Variants in MAP2 observed in about 807,000 individuals in gnomAD.
MAP2 encodes microtubule associated protein 2, also known as microtubule-associated protein 2.
MAP2 carries 14 observed loss-of-function variants against 137.6 expected under a neutral mutation model. The ratio of observed to expected loss-of-function variants is 0.10; its 90% CI spans 0.07 to 0.16. MAP2 has a LOEUF of 0.16. MAP2 is among the 10% of genes least tolerant of loss of function. The pLI, the probability that MAP2 is intolerant of heterozygous loss-of-function variation, is 1.00. For synonymous variants in MAP2, 786 were observed against 782.3 expected, an observed-to-expected ratio of 1.00 and a Z score of -0.08; for missense variants, 2,088 against 2,191.5, an observed-to-expected ratio of 0.95 and a Z score of 0.94.
At chr2:209,432,168 C>A (rs1191349566) in intron 1 of MAP2, among the ~76,000 whole-genome samples, 1 of 152,102 alleles carries the variant, frequency 6.6e-6, no homozygotes, top group Non-Finnish European at 1.5e-5. Context: ...ATTAAATTTC[C>A]TTCAAATTGC....
intron 4 of MAP2, among the ~76,000 whole-genome samples, chr2:209,627,052 T>C (rs188065392): frequency 6.6e-6 from 1 of 152,132 alleles, no homozygotes; most frequent in Non-Finnish European, 1.5e-5. Flanking sequence ...ATGGGACTCA[T>C]GATTTTCATT....
At chr2:209,426,475 A>G (rs912333044) in intron 1 of MAP2, among the ~76,000 whole-genome samples, 1 of 152,126 alleles carries the variant, frequency 6.6e-6, no homozygotes, top group African/African-American at 2.4e-5. Flanking sequence ...AGGATTGTTC[A>G]TTCTCTGCAG....
chr2:209,486,739 AG>A (rs2058439046), intron 1 of MAP2, among the ~76,000 whole-genome samples: 1 of 152,232 alleles, frequency 6.6e-6, no homozygotes, highest in East Asian at 1.9e-4. Flanking sequence ...GGTGAATTAT[AG>A]GGGAAAATGT....
At chr2:209,466,840 A>G (rs1453812244) in intron 1 of MAP2, among the ~76,000 whole-genome samples, 1 of 152,216 alleles carries the variant, frequency 6.6e-6, no homozygotes, top group African/African-American at 2.4e-5. Context: ...CTTTCAAAAT[A>G]AAAGAGCTAC....
At chr2:209,719,846 C>T (rs1214739497) in intron 13 of MAP2, among the ~76,000 whole-genome samples, 1 of 152,110 alleles carries the variant, frequency 6.6e-6, no homozygotes, top group Non-Finnish European at 1.5e-5. Context: ...CTATATGACC[C>T]TTATGTGAAT....
intron 2 of MAP2, among the ~76,000 whole-genome samples, chr2:209,515,479 T>C (rs1254546335): frequency 6.6e-6 from 1 of 152,082 alleles, no homozygotes; most frequent in African/African-American, 2.4e-5. Flanking sequence ...GGCACTTTCT[T>C]CACCTTCTTC....
chr2:209,649,120 A>G (rs748418941), intron 4 of MAP2, among the ~76,000 whole-genome samples: 3 of 152,082 alleles, frequency 2.0e-5, no homozygotes, highest in Non-Finnish European at 4.4e-5. Flanking sequence ...TGTAGCCTCA[A>G]TGTCCTCAGT....
chr2:209,544,623 G>A (rs969408897), intron 2 of MAP2, among the ~76,000 whole-genome samples: 1 of 152,126 alleles, frequency 6.6e-6, no homozygotes, highest in Non-Finnish European at 1.5e-5. Flanking sequence ...GTAAAATAGG[G>A]CACTCAGTAA....
Position 209,653,234 on chromosome 2 carries a change from G to T in MAP2, c.64G>T (p.Ala22Ser). The change falls in exon 5 of 16, where the codon GCA (alanine) becomes TCA (serine). Residue 22 changes from alanine to serine, a missense_variant. Ala to Ser is a moderately conservative substitution (Grantham distance 99). Transcript: ENST00000682079. ...CTGGACCTCAGCACCGCTAACAGAG[G>T]CATCTGCACACTCACATCCACCTGA... ...PHWTSAPLTE[A>S]SAHSHPPEIK... The T allele has an allele frequency of 6.2e-7, 1 of 1,614,024 alleles. No individual in the cohort carries two copies. The highest frequency in any genetic ancestry group is 8.5e-7 in the Non-Finnish European group (1 of 1,179,964).
rs1372367505 is a variant in MAP2, at chr2:209,715,405, A to AATGTT, written c.5073+5151_5073+5152insATGTT. ...CAAATATTTATTGAGCACCTACTAC[A>AATGTT]CCATGCTATGTTCTACATACTGAAA... On this transcript the variant is annotated intron_variant, in intron 13 of 15. Transcript: ENST00000682079. Among the ~76,000 whole-genome samples, 18 of 152,244 alleles carry AATGTT rather than the reference A, an allele frequency of 1.2e-4. No individual in the cohort carries two copies. In the East Asian group the frequency reaches 1.7e-3, roughly 15 times the overall value.
In MAP2 at chr2:209,693,994, C is replaced by T. The variant is rs768819172; in HGVS notation, c.1824C>T (p.Thr608=). Residue 608 remains threonine (T), a synonymous_variant, in exon 8 of 16, where the codon ACC becomes ACT. Coordinates refer to ENST00000682079, the MANE Select transcript of MAP2 (RefSeq NM_001375505.1). The part of the protein sequence containing the change: ...TRESVHESID[T]MSPMHKNGDK... The stretch of plus-strand genomic sequence containing the variant: ...AAAGTGTCCATGAGTCTATTGATAC[C>T]ATGTCTCCCATGCATAAAAATGGTG... The T allele has an allele frequency of 4.3e-6, 7 of 1,613,928 alleles. No homozygotes were observed. In the South Asian group the frequency reaches 6.6e-5, roughly 15 times the overall value.
At chr2:209,499,520 A>C (rs1456004080) in intron 1 of MAP2, among the ~76,000 whole-genome samples, 2 of 152,144 alleles carry the variant, frequency 1.3e-5, no homozygotes, top group Non-Finnish European at 2.9e-5. Context: ...ATGTATCTTT[A>C]TAGCAACACC....
At chr2:209,648,560 G>A (rs1190390209) in intron 4 of MAP2, among the ~76,000 whole-genome samples, 1 of 147,632 alleles carries the variant, frequency 6.8e-6, no homozygotes, top group Non-Finnish European at 1.5e-5. Context: ...ATCAAGCTAG[G>A]CTTTTCAGGG....
chr2:209,685,328 A>G (rs2056606110), intron 7 of MAP2, among the ~76,000 whole-genome samples: 1 of 152,172 alleles, frequency 6.6e-6, no homozygotes, highest in South Asian at 2.1e-4. Context: ...TTTATTTAAA[A>G]TTATTATGTC....
chr2:209,556,097 A>C (rs1205922283), intron 2 of MAP2, among the ~76,000 whole-genome samples: 5 of 134,672 alleles, frequency 3.7e-5, no homozygotes, highest in Non-Finnish European at 6.1e-5. Flanking sequence ...GCTGGAGTGC[A>C]GTGCACCATC....
At chr2:209,473,478 T>C (rs1462372276) in intron 1 of MAP2, among the ~76,000 whole-genome samples, 1 of 152,106 alleles carries the variant, frequency 6.6e-6, no homozygotes, top group African/African-American at 2.4e-5. Context: ...GGAGGTATAG[T>C]ACCCTATATA....
intron 7 of MAP2, among the ~76,000 whole-genome samples, chr2:209,687,441 A>G (rs1166609301): frequency 1.3e-5 from 2 of 151,962 alleles, no homozygotes; most frequent in Non-Finnish European, 2.9e-5. Context: ...GAATGTACAG[A>G]TGATTTTTAT....
At chr2:209,519,488 GC>G (rs1553568655) in intron 2 of MAP2, among the ~76,000 whole-genome samples, 2 of 152,080 alleles carry the variant, frequency 1.3e-5, no homozygotes, top group African/African-American at 4.8e-5. Context: ...AGATAGGGGA[GC>G]TTTCTCCCTT....
intron 1 of MAP2, among the ~76,000 whole-genome samples, chr2:209,470,398 A>G (rs763545999): frequency 1.7e-4 from 26 of 151,824 alleles, no homozygotes; most frequent in Non-Finnish European, 2.9e-4. Context: ...GTAATTACGC[A>G]TACATCTCCC....
Sources: gnomAD v4.1 joint callset for allele counts (sites outside exome capture counted in the v4.1 genomes callset) on GRCh38, gnomAD v4.1.1 for gene constraint, MANE v1.5 for transcripts, NCBI Gene and HGNC (gene_info 2026-07-23, HGNC 2026-07-21) for gene names.